The following TNS4 variants were observed in gnomAD, a reference collection of about 807,000 sequenced individuals.
TNS4 encodes tensin 4.
TNS4 carries 46 observed loss-of-function variants against 70.4 expected under a neutral mutation model. The ratio of observed to expected loss-of-function variants is 0.65; its 90% CI spans 0.52 to 0.84. The LOEUF is 0.84. TNS4 is among the 40% of genes least tolerant of loss of function. The pLI is 0.00. For synonymous variants in TNS4, 390 were observed against 366.6 expected (o/e 1.06, Z -0.73); for missense variants, 863 against 907.0 (o/e 0.95, Z 0.62).
chr17:40,492,138 C>T (rs1463525162), intron 2 of TNS4, among the ~76,000 whole-genome samples: 4 of 152,132 alleles, frequency 2.6e-5, no homozygotes, highest in African/African-American at 9.7e-5. Context: ...AGGCTGCCTC[C>T]AAACGGATGG....
At position 40,480,985 on chromosome 17, in the gene TNS4, T is replaced by A. The variant is rs543558135; in HGVS notation, c.1673-217A>T. 393 of 539,130 alleles carry A rather than the reference T, an allele frequency of 7.3e-4. 1 individual carries two copies. The Middle Eastern group carries it at 0.015, about 21-fold the overall frequency. 33.4% of individuals were successfully genotyped at this position (539,130 alleles called of 1,614,324 possible). A position where few individuals can be genotyped will look rare whatever the true frequency, so the allele number is the denominator to read the frequency against. On this transcript the variant is annotated intron_variant, in intron 8 of 12. Transcript: ENST00000254051. ...GTTTGCAACCCTTTTGATCTCTTCA[T>A]CCCCTCCTCGCCCCCCCACCTCTTA...
intron 3 of TNS4, 126 bp from the exon 4 acceptor site, chr17:40,487,586 A>C (rs1408026178): frequency 4.3e-6 from 4 of 937,744 alleles, no homozygotes; most frequent in Non-Finnish European, 6.3e-6. Flanking sequence ...TGCATACCCC[A>C]CCCCCTACAG....
chr17:40,499,552 G>C (rs1034514113), intron 1 of TNS4, among the ~76,000 whole-genome samples: 5 of 152,216 alleles, frequency 3.3e-5, no homozygotes, highest in Admixed American at 1.3e-4. Flanking sequence ...AGAAAAGCCA[G>C]GGCCCCTTCC....
intron 6 of TNS4, 141 bp from the exon 7 acceptor site, chr17:40,482,557 C>T (rs1005658392): frequency 4.3e-4 from 284 of 653,020 alleles, no homozygotes; most frequent in Non-Finnish European, 2.1e-4. Flanking sequence ...CAGCCTGACC[C>T]ACATGGTAAA....
chr17:40,477,431 C>T lies in TNS4; in HGVS notation c.*157G>A, dbSNP rs2035861787. On this transcript the variant is annotated 3_prime_UTR_variant, in exon 13 of 13. Coordinates refer to ENST00000254051, the MANE Select transcript of TNS4 (RefSeq NM_032865.6). Reference sequence around the variant, plus strand: ...TCTGGATGATGGTGACTGCTGAAGGCCATAGCAGGTTCAAGGGTGTCAACT... The same window carrying T: ...TCTGGATGATGGTGACTGCTGAAGGTCATAGCAGGTTCAAGGGTGTCAACT... 2 of 939,194 alleles carry T rather than the reference C, an allele frequency of 2.1e-6. No individual in the cohort carries two copies. Among genetic ancestry groups the T allele is most frequent in the South Asian group, 1.8e-5 (1 of 56,304 alleles). The allele number at this position is 939,194 out of a possible 1,614,324, so 58.2% of individuals were successfully genotyped here. A position where few individuals can be genotyped will look rare whatever the true frequency, so the allele number is the denominator to read the frequency against.
intron 2 of TNS4, among the ~76,000 whole-genome samples, chr17:40,491,930 G>C (rs950905921): frequency 1.3e-5 from 2 of 152,150 alleles, no homozygotes; most frequent in Non-Finnish European, 2.9e-5. Flanking sequence ...GTTGGAAAAT[G>C]AAAGTGGGGG....
At chr17:40,499,284 C>T (rs1440322922) in intron 1 of TNS4, among the ~76,000 whole-genome samples, 1 of 152,128 alleles carries the variant, frequency 6.6e-6, no homozygotes, top group Non-Finnish European at 1.5e-5. Flanking sequence ...CAATTGATCA[C>T]GACCCTCTCA....
At chr17:40,487,005 A>C in intron 4 of TNS4, 31 bp downstream of exon 4, 1 of 1,602,986 alleles carries the variant, frequency 6.2e-7, no homozygotes, top group Non-Finnish European at 8.5e-7. Flanking sequence ...CCCAAATCTT[A>C]CATTGCTTCA....
chr17:40,481,500 G>A (rs2035920905), intron 8 of TNS4, among the ~76,000 whole-genome samples: 2 of 152,124 alleles, frequency 1.3e-5, no homozygotes, highest in Non-Finnish European at 2.9e-5. Flanking sequence ...GAGTAGCTGG[G>A]ATTACAGGCG....
chr17:40,496,670 A>G (rs1242472121), intron 1 of TNS4, 150 bp from the exon 2 acceptor site: 3 of 537,186 alleles, frequency 5.6e-6, no homozygotes, highest in Non-Finnish European at 9.8e-6. Flanking sequence ...TCCACCACCT[A>G]CTAGCTGTAT....
At position 40,488,967 on chromosome 17, in the gene TNS4, T is replaced by C. The variant is rs201740268; in HGVS notation, c.442A>G (p.Ile148Val). The change falls in exon 3 of 13, where the codon ATA (isoleucine) becomes GTA (valine). Residue 148 changes from isoleucine to valine, a missense_variant and splice_region_variant. Coordinates refer to ENST00000254051, the MANE Select transcript of TNS4 (RefSeq NM_032865.6). The part of the protein sequence containing the change: ...RKKEESEALD[I>V]KYIEVTSARS... ...GCGGAGGTCACCTCGATGTACTTTATGTCTTTGGGGGAGAAAAGCAGAGCA... is the reference window on the plus strand; with the variant it reads ...GCGGAGGTCACCTCGATGTACTTTACGTCTTTGGGGGAGAAAAGCAGAGCA... 6.4e-7 allele frequency: 1 copy of C among 1,567,130 alleles called. No homozygotes were observed. Among genetic ancestry groups the C allele is most frequent in the Non-Finnish European group, 8.6e-7 (1 of 1,159,732 alleles).
rs765312201 is a variant in TNS4 at position 40,479,873 on chromosome 17, C to T, written c.1742-31G>A. ...GGAGGCAGACACTGCGCTGGGGCCA[C>T]TGACCCAGGGCCCAGGTTCTCCCTC... On this transcript the variant is annotated intron_variant, in intron 9 of 12. Transcript: ENST00000254051. 3.2e-6 allele frequency: 5 copies of T among 1,582,036 alleles called. No individual in the cohort carries two copies. In the Admixed American group the frequency reaches 5.4e-5, roughly 17 times the overall value.
At chr17:40,479,593 C>T (rs979223660) in intron 10 of TNS4, 81 bp downstream of exon 10, 22 of 1,527,872 alleles carry the variant, frequency 1.4e-5, no homozygotes, top group Non-Finnish European at 1.9e-5. Context: ...GACCTTCATC[C>T]CTGATCTGCA....
At chr17:40,489,012 T>G in intron 2 of TNS4, 43 bp from the exon 3 acceptor site, 10 of 1,502,996 alleles carry the variant, frequency 6.7e-6, no homozygotes, top group East Asian at 2.3e-5. Context: ...TGCAGGAGCC[T>G]GGACTCATAG....
chr17:40,479,404 C>T (rs2035892174), intron 10 of TNS4, among the ~76,000 whole-genome samples: 1 of 152,222 alleles, frequency 6.6e-6, no homozygotes, highest in Non-Finnish European at 1.5e-5. Flanking sequence ...GCCTCGGCCT[C>T]CCAAAGTGCT....
At chr17:40,478,855 C>G (rs749908) in intron 10 of TNS4, among the ~76,000 whole-genome samples, 37,078 of 152,208 alleles carry the variant, frequency 0.24, 6,455 homozygotes, top group African/African-American at 0.5. Flanking sequence ...TTGTCTGCCT[C>G]TGTCTTACAC....
chr17:40,484,767 A>G lies in TNS4; in HGVS notation c.1375+154T>C, dbSNP rs1031450859. On this transcript the variant is annotated intron_variant, in intron 5 of 12. Coordinates refer to ENST00000254051, the MANE Select transcript of TNS4 (RefSeq NM_032865.6). ...CTCCACCATTCTTGCTGTGGTTCCT[A>G]CTTCCTCGGGAGGTCATGAGGTCAG... Among the ~76,000 whole-genome samples the G allele has an allele frequency of 2.6e-5, 4 of 152,050 alleles. No individual in the cohort carries two copies. The East Asian group carries it at 7.7e-4, about 29-fold the overall frequency.
Position 40,482,340 on chromosome 17 carries a change from A to T in TNS4, c.1578T>A (p.Asp526Glu). 11 of 1,614,170 alleles carry T rather than the reference A, an allele frequency of 6.8e-6. No homozygotes were observed. Among genetic ancestry groups the T allele is most frequent in the South Asian group, 3.3e-5 (3 of 91,088 alleles). The stretch of plus-strand genomic sequence containing the variant: ...GAGTCTCACCAAAGTAGGGCTCCTC[A>T]TCTGCTCCTTTGAGATGCACTCCTT... ...SAKGVHLKGA[D>E]EEPYFGSLSA... Residue 526 changes from aspartate to glutamate, a missense_variant, in exon 7 of 13, where the codon GAT becomes GAA. Asp to Glu is a conservative substitution (Grantham distance 45, BLOSUM62 2). Coordinates refer to ENST00000254051, the MANE Select transcript of TNS4 (RefSeq NM_032865.6).
chr17:40,500,622 T>C (rs576736712), intron 1 of TNS4, among the ~76,000 whole-genome samples: 1 of 152,216 alleles, frequency 6.6e-6, no homozygotes, highest in African/African-American at 2.4e-5. Flanking sequence ...AAATCCCCTC[T>C]TCCGTGTCAT....
Sources: gnomAD v4.1 joint callset for allele counts (sites outside exome capture counted in the v4.1 genomes callset) on GRCh38, gnomAD v4.1.1 for gene constraint, MANE v1.5 for transcripts, NCBI Gene and HGNC (gene_info 2026-07-23, HGNC 2026-07-21) for gene names.